Variants in NECAP1 observed in about 807,000 individuals in gnomAD.
NECAP1 encodes NECAP endocytosis associated 1.
In NECAP1, 13 loss-of-function variants were observed where a neutral mutation model predicts 33.4. The ratio of observed to expected loss-of-function variants is 0.39; its 90% CI spans 0.25 to 0.62. The LOEUF (loss-of-function observed/expected upper bound fraction) is 0.62. NECAP1 is among the 20% of genes least tolerant of loss of function. NECAP1 has a pLI of 0.52. For synonymous variants in NECAP1, 109 were observed against 125.2 expected, an observed-to-expected ratio of 0.87 and a Z score of 0.86; for missense variants, 272 against 347.4, an observed-to-expected ratio of 0.78 and a Z score of 1.73.
chr12:8,094,349 A>G (rs1947575532), intron 6 of NECAP1, among the ~76,000 whole-genome samples: 1 of 152,194 alleles, frequency 6.6e-6, no homozygotes, highest in Admixed American at 6.5e-5. Flanking sequence ...ACTATTGTCA[A>G]GTATCACAAA....
Position 8,092,961 on chromosome 12 carries a change from A to G in NECAP1, c.582A>G (p.Lys194=), listed in dbSNP as rs751024702. 1 of 1,610,072 alleles carries G rather than the reference A, an allele frequency of 6.2e-7. No individual in the cohort carries two copies. The highest frequency in any genetic ancestry group is 8.5e-7 in the Non-Finnish European group (1 of 1,178,192). The change falls in exon 6 of 8, where the codon AAA becomes AAG. Residue 194 remains lysine, a synonymous_variant. Transcript: ENST00000339754. ...LSLLPPPPGG[K]VTIPPPSSSV... ...TACTCCCACCCCCGCCAGGAGGCAA[A>G]GTCACTATTCCCCCACCATCCTCCT... is the stretch of plus-strand genomic sequence containing the variant.
chr12:8,095,818 TG>T, intron 7 of NECAP1, 115 bp downstream of exon 7: 2 of 1,214,956 alleles, frequency 1.6e-6, no homozygotes, highest in Non-Finnish European at 2.4e-6. Context: ...TAGAGTCTTT[TG>T]GAAGAGTTCT....
In NECAP1 at chr12:8,096,368, G is replaced by A. The variant is rs1402348688; in HGVS notation, c.*278G>A. On this transcript the variant is annotated 3_prime_UTR_variant, in exon 8 of 8. Coordinates refer to ENST00000339754, the MANE Select transcript of NECAP1 (RefSeq NM_015509.4). ...TGGCTGACTATGCAGGGCTTAAAAG[G>A]CCAGCGTCTGTTTGAGGGGGAATGA... is the stretch of plus-strand genomic sequence containing the variant. 8.6e-6 allele frequency: 3 copies of A among 350,786 alleles called. No individual in the cohort carries two copies. Among genetic ancestry groups the A allele is most frequent in the South Asian group, 1.7e-4 (2 of 11,624 alleles). The allele number at this position is 350,786 out of a possible 1,614,324, so 21.7% of individuals were successfully genotyped here.
chr12:8,085,462 C>G (rs1947479255), intron 1 of NECAP1, among the ~76,000 whole-genome samples: 1 of 152,052 alleles, frequency 6.6e-6, no homozygotes, highest in Non-Finnish European at 1.5e-5. Flanking sequence ...TCCTGTTATC[C>G]TTCTGTGTTT....
intron 5 of NECAP1, 41 bp downstream of exon 5, chr12:8,092,825 A>G: frequency 6.3e-7 from 1 of 1,597,838 alleles, no homozygotes; most frequent in South Asian, 1.1e-5. Context: ...CTGTGCTTCC[A>G]TAAGCCTATG....
At chr12:8,085,095 C>A (rs907558292) in intron 1 of NECAP1, among the ~76,000 whole-genome samples, 2 of 152,062 alleles carry the variant, frequency 1.3e-5, no homozygotes, top group African/African-American at 4.8e-5. Flanking sequence ...TCTCAGCTCG[C>A]CACAACCTCC....
intron 1 of NECAP1, among the ~76,000 whole-genome samples, chr12:8,085,319 A>AT (rs1225062816): frequency 6.6e-6 from 1 of 152,060 alleles, no homozygotes; most frequent in South Asian, 2.1e-4. Context: ...CACCCGGCCT[A>AT]CTTCAAGCTT....
Position 8,090,203 on chromosome 12 carries a change from T to C in NECAP1, c.205T>C (p.Phe69Leu). The C allele has an allele frequency of 6.2e-7, 1 of 1,614,194 alleles. No homozygotes were observed. Residue 69 changes from phenylalanine to leucine, a missense_variant, in exon 3 of 8, where the codon TTT becomes CTT. Physicochemically the swap from Phe to Leu is conservative, Grantham distance 22. Coordinates refer to ENST00000339754, the MANE Select transcript of NECAP1 (RefSeq NM_015509.4). ...TTTCTCTTATCTGTCAGGGGAGCTC[T>C]TTGCTCAGGCACCAGTAGAACAATA... ...KLEDKVSGEL[F>L]AQAPVEQYPG...
At position 8,093,062 on chromosome 12, in the gene NECAP1, C is replaced by A; in HGVS notation, c.676+7C>A. 2 of 1,612,150 alleles carry A rather than the reference C, an allele frequency of 1.2e-6. No individual in the cohort carries two copies. The highest frequency in any genetic ancestry group is 1.3e-5 in the African/African-American group (1 of 74,938). On this transcript the variant is annotated splice_region_variant and intron_variant, in intron 6 of 7. Transcript: ENST00000339754. ...CATGGAGGCAGTGATGCAGGTAAAT[C>A]TAGTACTTCTAATTTTGAGAAATCC... is the stretch of plus-strand genomic sequence containing the variant.
intron 3 of NECAP1, 24 bp from the exon 4 acceptor site, chr12:8,091,745 C>T (rs776048455): frequency 2.7e-5 from 44 of 1,610,254 alleles, no homozygotes; most frequent in Non-Finnish European, 3.5e-5. Context: ...ACTTCCTAGT[C>T]GAGTCTTCCT....
intron 1 of NECAP1, chr12:8,082,757 TTC>T (rs144432288): frequency 8.8e-4 from 120 of 136,468 alleles, no homozygotes; most frequent in African/African-American, 3.5e-3. Flanking sequence ...TCCTCATCCT[TTC>T]TCTCTCTCTC....
At chr12:8,090,161 C>G in intron 2 of NECAP1, 34 bp from the exon 3 acceptor site, 1 of 1,611,082 alleles carries the variant, frequency 6.2e-7, no homozygotes, top group Non-Finnish European at 8.5e-7. Flanking sequence ...TTTTGGCTTG[C>G]TTTACTCAAA....
Position 8,089,945 on chromosome 12 carries a change from C to G in NECAP1, c.105C>G (p.Asp35Glu). Reference sequence around the variant, plus strand: ...TCTTTTCCTGTCCTAGGGCCTCTGACTGGAAATTAGACCAGCCTGATTGGA... The same window carrying G: ...TCTTTTCCTGTCCTAGGGCCTCTGAGTGGAAATTAGACCAGCCTGATTGGA... ...RASNRGYRAS[D>E]WKLDQPDWTG... The change falls in exon 2 of 8, where the codon GAC becomes GAG. Residue 35 changes from aspartate (D) to glutamate (E), a missense_variant. Asp to Glu is a conservative substitution (Grantham distance 45). Coordinates refer to ENST00000339754, the MANE Select transcript of NECAP1 (RefSeq NM_015509.4). 6.2e-7 allele frequency: 1 copy of G among 1,614,050 alleles called. No homozygotes were observed.
intron 1 of NECAP1, among the ~76,000 whole-genome samples, chr12:8,084,862 AAAG>A (rs1273224377): frequency 3.3e-5 from 5 of 152,172 alleles, no homozygotes; most frequent in Non-Finnish European, 1.5e-5. Context: ...ATGTTGACTG[AAAG>A]AAGAAATCAG....
chr12:8,094,415 A>G (rs1001585997), intron 6 of NECAP1, among the ~76,000 whole-genome samples: 3 of 152,238 alleles, frequency 2.0e-5, no homozygotes, highest in South Asian at 2.1e-4. Context: ...ACCATTTTAC[A>G]TGTTCTCATC....
At position 8,096,121 on chromosome 12, in the gene NECAP1, T is replaced by G; in HGVS notation, c.*31T>G. ...ATTGGCAGGACATTAAGGACAGACT[T>G]GAGGAATAAAAATGACCTTGAGGGC... On this transcript the variant is annotated 3_prime_UTR_variant, in exon 8 of 8. Coordinates refer to ENST00000339754, the MANE Select transcript of NECAP1 (RefSeq NM_015509.4). The G allele has an allele frequency of 1.2e-6, 2 of 1,608,542 alleles. No individual in the cohort carries two copies. The highest frequency in any genetic ancestry group is 1.7e-6 in the Non-Finnish European group (2 of 1,175,810).
intron 1 of NECAP1, 112 bp from the exon 2 acceptor site, chr12:8,089,824 G>A: frequency 1.3e-6 from 1 of 784,988 alleles, no homozygotes. Flanking sequence ...TGATTAATAG[G>A]TAGAAAGAAT....
chr12:8,090,118 A>T lies in NECAP1; in HGVS notation c.197-77A>T, dbSNP rs532092148. On this transcript the variant is annotated intron_variant, in intron 2 of 7. Transcript: ENST00000339754. ...AAGTACCTTCAATTTGGGGACTGGA[A>T]TGGAAATACTACTTGTTAATTGGGG... 8 of 1,580,918 alleles carry T rather than the reference A, an allele frequency of 5.1e-6. No individual in the cohort carries two copies. The African/African-American group carries it at 5.4e-5, about 11-fold the overall frequency.
At chr12:8,084,896 A>G (rs1373716600) in intron 1 of NECAP1, among the ~76,000 whole-genome samples, 1 of 152,252 alleles carries the variant, frequency 6.6e-6, no homozygotes, top group African/African-American at 2.4e-5. Flanking sequence ...AGAGAAACCT[A>G]ATCACATAAA....
Sources: gnomAD v4.1 joint callset for allele counts (sites outside exome capture counted in the v4.1 genomes callset) on GRCh38, gnomAD v4.1.1 for gene constraint, MANE v1.5 for transcripts, NCBI Gene and HGNC (gene_info 2026-07-23, HGNC 2026-07-21) for gene names.